Variants in EXOC1 observed in about 807,000 individuals in gnomAD.
EXOC1 encodes exocyst complex component 1, also known as SEC3-like 1.
A neutral mutation model predicts 107.7 loss-of-function variants in EXOC1; 67 were observed. That is an observed-to-expected ratio of 0.62 (90% CI 0.51 to 0.76). The LOEUF (loss-of-function observed/expected upper bound fraction) is 0.76. Among genes scored for constraint, EXOC1 ranks in the 30% least tolerant of loss-of-function variants. The pLI is 0.00. For synonymous variants in EXOC1, 348 were observed against 353.5 expected (o/e 0.98, Z 0.17); for missense variants, 833 against 1,055.7 (o/e 0.79, Z 2.92).
At position 55,904,775 on chromosome 4, in the gene EXOC1, A is replaced by G. The variant is rs1726422365; in HGVS notation, c.*280A>G. ...ATGACTGGATGGGAAATTTTCCTTT[A>G]TTGCCTAGCTGCTTGTGTTTGAGTG... On this transcript the variant is annotated 3_prime_UTR_variant, in exon 19 of 19. Transcript: ENST00000381295. 1 of 250,808 alleles carries G rather than the reference A, an allele frequency of 4.0e-6. No homozygotes were observed. The allele number at this position is 250,808 out of a possible 1,614,324, so 15.5% of individuals were successfully genotyped here. A position where few individuals can be genotyped will look rare whatever the true frequency, so the allele number is the denominator to read the frequency against.
chr4:55,876,749 A>C (rs746741270), intron 8 of EXOC1: 190 of 985,260 alleles, frequency 1.9e-4, no homozygotes, highest in Non-Finnish European at 2.2e-4. Context: ...CAGTAAGATG[A>C]ATCTGAGAAG....
At chr4:55,876,860 G>A in intron 8 of EXOC1, 1 of 985,180 alleles carries the variant, frequency 1.0e-6, no homozygotes, top group Non-Finnish European at 1.2e-6. Context: ...CTCACATGAA[G>A]AAAATTTTCC....
At chr4:55,860,666 C>CT (rs1161368922) in intron 3 of EXOC1, 125 bp downstream of exon 3, 4 of 1,225,478 alleles carry the variant, frequency 3.3e-6, no homozygotes, top group South Asian at 1.7e-5. Context: ...TATTTTTTTG[C>CT]TTTTTTTAAG....
chr4:55,861,294 C>T (rs1233953110), intron 3 of EXOC1, among the ~76,000 whole-genome samples: 2 of 152,180 alleles, frequency 1.3e-5, no homozygotes, highest in East Asian at 3.9e-4. Flanking sequence ...ACCACAACTA[C>T]TTGTATGTCG....
intron 8 of EXOC1, chr4:55,875,905 TA>T: frequency 1.1e-6 from 1 of 907,052 alleles, no homozygotes; most frequent in East Asian, 1.2e-4. Flanking sequence ...TCTCTATTAA[TA>T]AAAATAAATT....
chr4:55,872,369 C>G (rs990767462), intron 8 of EXOC1, among the ~76,000 whole-genome samples: 1 of 138,710 alleles, frequency 7.2e-6, no homozygotes, highest in Non-Finnish European at 1.6e-5. Context: ...GTACTTAGTA[C>G]ATAGTATAAT....
intron 1 of EXOC1, among the ~76,000 whole-genome samples, chr4:55,856,792 G>A (rs910483480): frequency 6.6e-6 from 1 of 152,114 alleles, no homozygotes; most frequent in East Asian, 1.9e-4. Context: ...AAGGAGATAA[G>A]TGGAAACCTA....
chr4:55,892,890 T>C lies in EXOC1; in HGVS notation c.1724+179T>C, dbSNP rs370754781. On this transcript the variant is annotated intron_variant, in intron 14 of 18. Transcript: ENST00000381295. ...TTTAAAATAGGGCCTATTTTATGGCTCTTCAACTCTTCCTTGCTCCAGGAC... is the reference window on the plus strand; with the variant it reads ...TTTAAAATAGGGCCTATTTTATGGCCCTTCAACTCTTCCTTGCTCCAGGAC... 2.5e-4 allele frequency among the ~76,000 whole-genome samples: 38 copies of C among 152,330 alleles called. No homozygotes were observed. In the East Asian group the frequency reaches 4.6e-3, roughly 19 times the overall value.
At chr4:55,854,106 T>C (rs961182263) in intron 1 of EXOC1, among the ~76,000 whole-genome samples, 153 bp downstream of exon 1, 1 of 152,142 alleles carries the variant, frequency 6.6e-6, no homozygotes, top group Non-Finnish European at 1.5e-5. Flanking sequence ...TCGTAAGCTC[T>C]TTGGCGTGGT....
At chr4:55,895,725 G>A (rs1484682388) in intron 15 of EXOC1, among the ~76,000 whole-genome samples, 1 of 152,124 alleles carries the variant, frequency 6.6e-6, no homozygotes, top group Non-Finnish European at 1.5e-5. Flanking sequence ...TCCGTGGATC[G>A]TTTTGAACCT....
At chr4:55,867,990 AG>A (rs1177975372) in intron 4 of EXOC1, among the ~76,000 whole-genome samples, 1 of 152,208 alleles carries the variant, frequency 6.6e-6, no homozygotes, top group Non-Finnish European at 1.5e-5. Flanking sequence ...CAGCCACATC[AG>A]GTACGAAAAA....
intron 1 of EXOC1, among the ~76,000 whole-genome samples, chr4:55,854,440 G>C (rs1456519380): frequency 2.0e-5 from 3 of 152,042 alleles, no homozygotes; most frequent in Non-Finnish European, 4.4e-5. Flanking sequence ...CTCAGACCTG[G>C]AGAATAATTT....
At chr4:55,854,493 A>T (rs1720772597) in intron 1 of EXOC1, among the ~76,000 whole-genome samples, 1 of 152,330 alleles carries the variant, frequency 6.6e-6, no homozygotes, top group African/African-American at 2.4e-5. Context: ...TCAGAAAAGT[A>T]CCGTAAAGAC....
rs1472222197 is a variant in EXOC1 at position 55,857,160 on chromosome 4, CT to C, written c.-10-1147del. Among the ~76,000 whole-genome samples the C allele has an allele frequency of 1.6e-3, 207 of 133,442 alleles. 2 individuals are homozygous for C. The highest frequency in any genetic ancestry group is 5.4e-3 in the African/African-American group (185 of 34,366). The allele number at this position is 133,442 out of a possible 152,430, so 87.5% of individuals were successfully genotyped here. ...TTAGCATGTTTCATTACTTCATTTC[CT>C]TTTTTTCTTTTTTTTTTTTTTTTTT... On this transcript the variant is annotated intron_variant, in intron 1 of 18. Transcript: ENST00000381295.
chr4:55,899,829 A>G lies in EXOC1; in HGVS notation c.2282A>G (p.Asp761Gly). Reference protein sequence around the residue: ...EKKEAKQKYTDHLQSYVIYSL... With the variant: ...EKKEAKQKYTGHLQSYVIYSL... ...AAAGAAGCCAAACAAAAATACACAG[A>G]TCACCTTCAGTCTTATGTCATTTAC... Residue 761 changes from aspartate to glycine, a missense_variant, in exon 17 of 19, where the codon GAT (aspartate) becomes GGT (glycine). By Grantham distance (94) the Asp-to-Gly change is moderately conservative. This residue lies in a region of EXOC1 where 216 missense variants were observed against 354.4 expected (regional missense o/e 0.61). Transcript: ENST00000381295. The G allele has an allele frequency of 6.2e-7, 1 of 1,613,166 alleles. No individual in the cohort carries two copies.
intron 15 of EXOC1, 22 bp downstream of exon 15, chr4:55,893,802 A>C: frequency 1.9e-6 from 3 of 1,587,060 alleles, no homozygotes; most frequent in Non-Finnish European, 2.6e-6. Context: ...TTTTTAAAAA[A>C]ATACCTTAGC....
At chr4:55,864,433 G>T in intron 4 of EXOC1, 47 bp downstream of exon 4, 1 of 1,416,746 alleles carries the variant, frequency 7.1e-7, no homozygotes, top group Non-Finnish European at 9.7e-7. Flanking sequence ...ATATCTTTAA[G>T]TGAATATATA....
At chr4:55,887,318 G>A (rs1013564287) in intron 10 of EXOC1, among the ~76,000 whole-genome samples, 1 of 152,132 alleles carries the variant, frequency 6.6e-6, no homozygotes, top group South Asian at 2.1e-4. Flanking sequence ...AAAGAGTCGT[G>A]AATACAATGC....
In EXOC1 at chr4:55,858,297, T is replaced by TA. The variant is rs1721177463; in HGVS notation, c.-10-16dup. The stretch of plus-strand genomic sequence containing the variant: ...ATGTTGAGGGTGAGCTTAATATCTA[T>TA]ACTCCACATTTTTCAGCTGAGAAAA... On this transcript the variant is annotated splice_polypyrimidine_tract_variant and intron_variant, in intron 1 of 18. Coordinates refer to ENST00000381295, the MANE Select transcript of EXOC1 (RefSeq NM_001024924.2). 3 of 1,592,630 alleles carry TA rather than the reference T, an allele frequency of 1.9e-6. No homozygotes were observed. The highest frequency in any genetic ancestry group is 2.6e-6 in the Non-Finnish European group (3 of 1,171,232).
Sources: gnomAD v4.1 joint callset for allele counts (sites outside exome capture counted in the v4.1 genomes callset) on GRCh38, gnomAD v4.1.1 for gene constraint, gnomAD v4.1.1 regional missense constraint, MANE v1.5 for transcripts, NCBI Gene and HGNC (gene_info 2026-07-23, HGNC 2026-07-21) for gene names.